The following FOXO3B variants were observed in gnomAD, a reference collection of about 807,000 sequenced individuals.
The protein encoded by FOXO3B is forkhead box protein O3B.
In FOXO3B, 15 loss-of-function variants were observed where a neutral mutation model predicts 21.9. That is an observed-to-expected ratio of 0.68 (90% confidence interval 0.46 to 1.05). The LOEUF is 1.05. Ranked by LOEUF, FOXO3B falls within the 50% of genes least tolerant of loss-of-function variation. The pLI is 0.00. For synonymous variants in FOXO3B, 135 were observed against 213.6 expected (o/e 0.63, Z 3.21); for missense variants, 293 against 435.5 (o/e 0.67, Z 2.91).
Position 18,671,773 on chromosome 17 carries a change from T to G in FOXO3B, c.*536A>C, listed in dbSNP as rs2032369764. 1.3e-5 allele frequency: 21 copies of G among 1,613,396 alleles called. No homozygotes were observed. The South Asian group carries it at 2.2e-4, about 17-fold the overall frequency. On this transcript the variant is annotated 3_prime_UTR_variant, in exon 4 of 4. Coordinates refer to ENST00000395675, the MANE Select transcript of FOXO3B (RefSeq NM_001368135.1). ...TTATCCAGCAGGTCGTCCATGAGGTTTTCAGTCAGCCCCATCATTCAGATT... is the reference window on the plus strand; with the variant it reads ...TTATCCAGCAGGTCGTCCATGAGGTGTTCAGTCAGCCCCATCATTCAGATT...
chr17:18,671,362 GGGC>G lies in FOXO3B; in HGVS notation c.*944_*946del. 1.2e-6 allele frequency: 2 copies of G among 1,613,798 alleles called. No individual in the cohort carries two copies. The highest frequency in any genetic ancestry group is 1.7e-6 in the Non-Finnish European group (2 of 1,179,830). The stretch of plus-strand genomic sequence containing the variant: ...TTGACCACACTTCCCTGGTTAGGCT[GGGC>G]AGCAAAGGACATCATCGGATCATTG... On this transcript the variant is annotated 3_prime_UTR_variant, in exon 4 of 4. Transcript: ENST00000395675.
At chr17:18,673,122 A>G in intron 3 of FOXO3B, 67 bp from the exon 4 acceptor site, 1 of 1,420,214 alleles carries the variant, frequency 7.0e-7, no homozygotes. Flanking sequence ...GTCCTCGGCG[A>G]GTCCTCGCCC....
intron 3 of FOXO3B, among the ~76,000 whole-genome samples, chr17:18,679,597 G>A (rs1234711116): frequency 2.0e-5 from 3 of 151,916 alleles, no homozygotes; most frequent in African/African-American, 2.4e-5. Context: ...ACAAGTGCGC[G>A]CCACCACGCC....
intron 3 of FOXO3B, among the ~76,000 whole-genome samples, chr17:18,679,277 G>C (rs1597497584): frequency 6.6e-6 from 1 of 152,126 alleles, no homozygotes; most frequent in African/African-American, 2.4e-5. Flanking sequence ...AGACAGTTGA[G>C]AAGCCAATGG....
Position 18,672,457 on chromosome 17 carries a change from C to T in FOXO3B, c.725G>A (p.Trp242Ter), listed in dbSNP as rs2032388493. ...CAGGTCCGCGTAGGACAGGTTTCCC[C>T]AGGCGTTCCGCCGCGACGAACATTT... Reference protein sequence around the residue: ...PRKCSSRRNAWGNLSYADLIT... With the variant: ...PRKCSSRRNA Residue 242 changes from tryptophan to a stop codon, truncating the protein, a stop_gained, in exon 4 of 4, where the codon TGG becomes TAG. Transcript: ENST00000395675. LOFTEE classifies it high-confidence loss of function. The surrounding 1 kb of genome is among the most constrained non-coding windows in gnomAD (Gnocchi z 4.2). 1.3e-6 allele frequency: 2 copies of T among 1,596,656 alleles called. No individual in the cohort carries two copies. Among genetic ancestry groups the T allele is most frequent in the Non-Finnish European group, 1.7e-6 (2 of 1,171,880 alleles).
At chr17:18,677,356 G>A (rs1567891446) in intron 3 of FOXO3B, 5 of 1,612,982 alleles carry the variant, frequency 3.1e-6, no homozygotes, top group East Asian at 4.5e-5. Context: ...CCGAACTTGG[G>A]CGCCAATGGC....
Position 18,670,536 on chromosome 17 carries a change from A to G in FOXO3B, c.*1773T>C, listed in dbSNP as rs946794412. Among the ~76,000 whole-genome samples the G allele has an allele frequency of 2.6e-5, 4 of 152,262 alleles. No individual in the cohort carries two copies. Among genetic ancestry groups the G allele is most frequent in the African/African-American group, 7.2e-5 (3 of 41,474 alleles). ...CAAACACAAGAACAACACTTAAAAC[A>G]TCCCATAAACCATCGCAATATTAAA... On this transcript the variant is annotated 3_prime_UTR_variant, in exon 4 of 4. Coordinates refer to ENST00000395675, the MANE Select transcript of FOXO3B (RefSeq NM_001368135.1).
At position 18,669,842 on chromosome 17, in the gene FOXO3B, G is replaced by C. The variant is rs2032330618; in HGVS notation, c.*2467C>G. On this transcript the variant is annotated 3_prime_UTR_variant, in exon 4 of 4. Coordinates refer to ENST00000395675, the MANE Select transcript of FOXO3B (RefSeq NM_001368135.1). Reference sequence around the variant, plus strand: ...GTGAAGTTGGAACTGCCTCAGCATTGACTTGGGTTTTTACTCTTTGCACAT... The same window carrying C: ...GTGAAGTTGGAACTGCCTCAGCATTCACTTGGGTTTTTACTCTTTGCACAT... Among the ~76,000 whole-genome samples the C allele has an allele frequency of 6.6e-6, 1 of 152,100 alleles. No individual in the cohort carries two copies. The highest frequency in any genetic ancestry group is 1.5e-5 in the Non-Finnish European group (1 of 68,038).
chr17:18,669,591 A>G lies in FOXO3B; in HGVS notation c.*2718T>C, dbSNP rs1461497457. The G allele has an allele frequency of 6.6e-6, 1 of 152,656 alleles. No homozygotes were observed. Among genetic ancestry groups the G allele is most frequent in the Non-Finnish European group, 1.5e-5 (1 of 68,052 alleles). The allele number at this position is 152,656 out of a possible 1,614,324, so 9.5% of individuals were successfully genotyped here. A position where few individuals can be genotyped will look rare whatever the true frequency, so the allele number is the denominator to read the frequency against. Reference sequence around the variant, plus strand: ...CAGGTTAAACAGAAAGCACCTATACAGCACCATAACTTTTTGAAAACACAA... The same window carrying G: ...CAGGTTAAACAGAAAGCACCTATACGGCACCATAACTTTTTGAAAACACAA... On this transcript the variant is annotated 3_prime_UTR_variant, in exon 4 of 4. Coordinates refer to ENST00000395675, the MANE Select transcript of FOXO3B (RefSeq NM_001368135.1).
chr17:18,677,477 C>A, intron 3 of FOXO3B: 1 of 1,614,024 alleles, frequency 6.2e-7, no homozygotes, highest in African/African-American at 1.3e-5. Context: ...AGTCTGCACT[C>A]AACGAGGAGG....
chr17:18,673,046 C>T lies in FOXO3B; in HGVS notation c.136G>A (p.Ala46Thr), dbSNP rs1463977963. The T allele has an allele frequency of 3.4e-6, 5 of 1,458,190 alleles. No homozygotes were observed. The highest frequency in any genetic ancestry group is 3.6e-6 in the Non-Finnish European group (4 of 1,109,044). 90.3% of individuals were successfully genotyped at this position (1,458,190 alleles called of 1,614,324 possible). ...RLTARSQAAAAAAAPGSRSLR... is the reference protein window; with the variant it reads ...RLTARSQAAATAAAPGSRSLR... ...CTCCGGCTCCCGGGCGCCGCCGCCG[C>T]CGCCGCCGCCTGGGGAAGCACGAGA... Residue 46 changes from alanine to threonine, a missense_variant, in exon 4 of 4, where the codon GCG becomes ACG. Transcript: ENST00000395675.
intron 3 of FOXO3B, chr17:18,677,195 G>A: frequency 7.4e-7 from 1 of 1,347,018 alleles, no homozygotes; most frequent in South Asian, 1.4e-5. Context: ...AACCTCTTTG[G>A]CACTATCTAC....
intron 3 of FOXO3B, among the ~76,000 whole-genome samples, chr17:18,675,368 A>C (rs1241206833): frequency 6.6e-6 from 1 of 152,024 alleles, no homozygotes; most frequent in Non-Finnish European, 1.5e-5. Flanking sequence ...AAAGGTAAAA[A>C]CCTCATATAT....
chr17:18,680,736 C>T lies in FOXO3B; in HGVS notation c.126+5G>A. On this transcript the variant is annotated splice_donor_5th_base_variant and intron_variant, in intron 3 of 3. Coordinates refer to ENST00000395675, the MANE Select transcript of FOXO3B (RefSeq NM_001368135.1). Reference sequence around the variant, plus strand: ...GTAATTCCAATAATCAGCAGACTCACTCACCTGGGATCTGGCCGTGAGGCG... The same window carrying T: ...GTAATTCCAATAATCAGCAGACTCATTCACCTGGGATCTGGCCGTGAGGCG... 1 of 1,613,930 alleles carries T rather than the reference C, an allele frequency of 6.2e-7. No individual in the cohort carries two copies. The highest frequency in any genetic ancestry group is 8.5e-7 in the Non-Finnish European group (1 of 1,179,904).
chr17:18,674,498 C>A (rs1234444406), intron 3 of FOXO3B, among the ~76,000 whole-genome samples: 2 of 150,410 alleles, frequency 1.3e-5, no homozygotes, highest in African/African-American at 2.5e-5. Flanking sequence ...TGGTGGCGGG[C>A]ACCTGTAGTC....
intron 3 of FOXO3B, 57 bp from the exon 4 acceptor site, chr17:18,673,112 G>A (rs2151735180): frequency 1.4e-6 from 2 of 1,442,204 alleles, no homozygotes; most frequent in Non-Finnish European, 1.8e-6. Context: ...CCGGAGCCCC[G>A]TCCTCGGCGA....
At chr17:18,673,103 C>A in intron 3 of FOXO3B, 48 bp from the exon 4 acceptor site, 1 of 1,451,666 alleles carries the variant, frequency 6.9e-7, no homozygotes, top group South Asian at 1.3e-5. Flanking sequence ...TATCCCCGGC[C>A]GGAGCCCCGT....
At chr17:18,677,910 G>GAAAA (rs2032522445) in intron 3 of FOXO3B, among the ~76,000 whole-genome samples, 1 of 13,724 alleles carries the variant, frequency 7.3e-5, no homozygotes, top group Non-Finnish European at 1.6e-4. Context: ...AGTTGGAAAA[G>GAAAA]CAAAAAAAAA....
chr17:18,669,251 C>T lies in FOXO3B; in HGVS notation c.*3058G>A, dbSNP rs529207625. On this transcript the variant is annotated 3_prime_UTR_variant, in exon 4 of 4. Coordinates refer to ENST00000395675, the MANE Select transcript of FOXO3B (RefSeq NM_001368135.1). ...GGTGTGTGCAGGGGGTTGGGTGGCA[C>T]GTCTGTGTTGGTGCCCACTGTCACG... is the stretch of plus-strand genomic sequence containing the variant. The T allele has an allele frequency of 4.8e-4, 67 of 139,022 alleles. 1 individual carries two copies. Among genetic ancestry groups the T allele is most frequent in the Non-Finnish European group, 9.0e-4 (59 of 65,662 alleles). 8.6% of individuals were successfully genotyped at this position (139,022 alleles called of 1,614,324 possible).
Sources: gnomAD v4.1 joint callset for allele counts (sites outside exome capture counted in the v4.1 genomes callset) on GRCh38, gnomAD v4.1.1 for gene constraint, Gnocchi (gnomAD v3.1) non-coding constraint, MANE v1.5 for transcripts, NCBI Gene and HGNC (gene_info 2026-07-23, HGNC 2026-07-21) for gene names.